The following ERMP1 variants were observed in gnomAD, a reference collection of about 807,000 sequenced individuals.
ERMP1 encodes Felix-ina.
In ERMP1, 86 loss-of-function variants were observed where a neutral mutation model predicts 92.0. That is an observed-to-expected ratio of 0.93 (90% CI 0.79 to 1.12). The LOEUF is 1.12. ERMP1 is among the 50% of genes most tolerant of loss of function. The pLI is 0.00. For synonymous variants in ERMP1, 530 were observed against 412.8 expected (o/e 1.28, Z -3.44); for missense variants, 1,342 against 1,116.3 (o/e 1.20, Z -2.88).
chr9:5,789,543 CAGCAAAAGAACTTTTT>C (rs1404251597), intron 13 of ERMP1, among the ~76,000 whole-genome samples: 5 of 152,212 alleles, frequency 3.3e-5, no homozygotes, highest in African/African-American at 1.2e-4. Flanking sequence ...GTACAAACTT[CAGCAAAAGAACTTTTT>C]CCTGAGACAG....
At chr9:5,859,213 G>A (rs1229982601) in intron 6 of ERMP1, among the ~76,000 whole-genome samples, 2 of 152,022 alleles carry the variant, frequency 1.3e-5, no homozygotes, top group African/African-American at 4.8e-5. Flanking sequence ...TCTGAAACGG[G>A]ATCTTCTCTG....
At chr9:5,814,913 G>A (rs1015507251) in intron 4 of ERMP1, among the ~76,000 whole-genome samples, 5 of 152,020 alleles carry the variant, frequency 3.3e-5, no homozygotes, top group African/African-American at 1.2e-4. Context: ...ATTTAAAAGA[G>A]TCCTACAAAT....
chr9:5,844,653 G>C (rs1830213198), intron 6 of ERMP1, among the ~76,000 whole-genome samples: 1 of 152,204 alleles, frequency 6.6e-6, no homozygotes, highest in African/African-American at 2.4e-5. Context: ...AACTGTCAAG[G>C]AGCCGCTTGG....
intron 10 of ERMP1, among the ~76,000 whole-genome samples, chr9:5,804,378 T>C (rs1160174558): frequency 6.6e-6 from 1 of 152,058 alleles, no homozygotes; most frequent in East Asian, 1.9e-4. Flanking sequence ...TTTTCTTCCC[T>C]CTGGGAATCC....
At chr9:5,846,947 G>C (rs4742125) in intron 6 of ERMP1, among the ~76,000 whole-genome samples, 5,014 of 152,228 alleles carry the variant, frequency 0.033, 298 homozygotes, top group African/African-American at 0.11. Context: ...ATTTATGGCA[G>C]ACAGAGACCA....
intron 2 of ERMP1, 123 bp from the exon 3 acceptor site, chr9:5,825,342 T>C (rs1016703945): frequency 1.1e-5 from 10 of 910,130 alleles, no homozygotes; most frequent in East Asian, 5.5e-5. Context: ...ACCAGAAGCA[T>C]AGCTCTGTCA....
At chr9:5,860,641 G>T (rs1216909839) in intron 5 of ERMP1, among the ~76,000 whole-genome samples, 2 of 150,506 alleles carry the variant, frequency 1.3e-5, no homozygotes, top group African/African-American at 2.4e-5. Flanking sequence ...AGATCGGGGG[G>T]TCTCACTCTG....
intron 4 of ERMP1, among the ~76,000 whole-genome samples, chr9:5,818,981 A>G (rs886300654): frequency 6.6e-6 from 1 of 152,216 alleles, no homozygotes; most frequent in African/African-American, 2.4e-5. Flanking sequence ...ATGTATTTGC[A>G]TTTATTCTCA....
chr9:5,795,411 G>A (rs775223499), intron 13 of ERMP1, among the ~76,000 whole-genome samples: 11 of 152,150 alleles, frequency 7.2e-5, no homozygotes, highest in Non-Finnish European at 1.5e-4. Context: ...TCAAGAAGTG[G>A]AAATAAAAAT....
chr9:5,846,607 T>C (rs1220561149), intron 6 of ERMP1, among the ~76,000 whole-genome samples: 1 of 152,208 alleles, frequency 6.6e-6, no homozygotes, highest in Non-Finnish European at 1.5e-5. Context: ...CACATCTAAC[T>C]ACATTTCCCA....
intron 5 of ERMP1, among the ~76,000 whole-genome samples, chr9:5,861,088 A>G (rs1830472397): frequency 1.3e-5 from 2 of 152,050 alleles, no homozygotes; most frequent in Non-Finnish European, 2.9e-5. Flanking sequence ...ATGGACTGAG[A>G]CAGGGATCTA....
At chr9:5,864,808 C>T (rs1391898106) in intron 5 of ERMP1, among the ~76,000 whole-genome samples, 1 of 152,144 alleles carries the variant, frequency 6.6e-6, no homozygotes, top group Non-Finnish European at 1.5e-5. Flanking sequence ...TTGCAGAGTT[C>T]TTTGCAACTA....
rs1828839814 is a variant in ERMP1 at position 5,805,621 on chromosome 9, G to C, written c.1713C>G (p.Phe571Leu). The C allele has an allele frequency of 6.3e-7, 1 of 1,583,210 alleles. No homozygotes were observed. The highest frequency in any genetic ancestry group is 8.5e-7 in the Non-Finnish European group (1 of 1,170,324). ...TCAAAAATACCCTACCATGCTGCTTGAAGTCCTTATGCACACAGAGCTTTG... is the reference window on the plus strand; with the variant it reads ...TCAAAAATACCCTACCATGCTGCTTCAAGTCCTTATGCACACAGAGCTTTG... Reference protein sequence around the residue: ...LLTKLCVHKDFKQHGAQGKFI... With the variant: ...LLTKLCVHKDLKQHGAQGKFI... The change falls in exon 9 of 15, where the codon TTC (phenylalanine) becomes TTG (leucine). Residue 571 changes from phenylalanine to leucine, a missense_variant. Coordinates refer to ENST00000339450, the MANE Select transcript of ERMP1 (RefSeq NM_024896.3).
intron 8 of ERMP1, among the ~76,000 whole-genome samples, chr9:5,807,268 C>T (rs1828903670): frequency 6.6e-6 from 1 of 152,146 alleles, no homozygotes. Flanking sequence ...TTAATAGTGG[C>T]CCCATTGATT....
chr9:5,800,213 A>G (rs904785891), intron 11 of ERMP1, among the ~76,000 whole-genome samples: 2 of 152,232 alleles, frequency 1.3e-5, no homozygotes, highest in Non-Finnish European at 2.9e-5. Context: ...AACATGAGAA[A>G]GGGATGGGTA....
intron 4 of ERMP1, among the ~76,000 whole-genome samples, chr9:5,819,221 G>A (rs553848906): frequency 1.2e-4 from 19 of 152,188 alleles, no homozygotes; most frequent in African/African-American, 4.6e-4. Context: ...CATACAATGG[G>A]TTAGTCAGCC....
At chr9:5,815,127 C>T (rs1328525805) in intron 4 of ERMP1, among the ~76,000 whole-genome samples, 1 of 152,010 alleles carries the variant, frequency 6.6e-6, no homozygotes, top group Non-Finnish European at 1.5e-5. Flanking sequence ...ACTTAATGGC[C>T]AAGAATCTTC....
In ERMP1 at chr9:5,805,200, T is replaced by A. The variant is rs1272783946; in HGVS notation, c.1741A>T (p.Ile581Phe). The change falls in exon 10 of 15, where the codon ATT (isoleucine) becomes TTT (phenylalanine). Residue 581 changes from isoleucine (I) to phenylalanine (F), a missense_variant. By Grantham distance (21) the Ile-to-Phe change is conservative. Transcript: ENST00000339450. The stretch of plus-strand genomic sequence containing the variant: ...AACATCCCCAAAAGGTAAAAAGCAA[T>A]AAATTTTCCTTGGGCACCTAGGGAA... ...FKQHGAQGKF[I>F]AFYLLGMFIP... 6.2e-7 allele frequency: 1 copy of A among 1,605,614 alleles called. No homozygotes were observed. The highest frequency in any genetic ancestry group is 1.7e-5 in the Admixed American group (1 of 57,536).
intron 6 of ERMP1, among the ~76,000 whole-genome samples, chr9:5,840,844 C>T (rs891088480): frequency 6.6e-6 from 1 of 152,204 alleles, no homozygotes; most frequent in African/African-American, 2.4e-5. Context: ...ATTTGCATGG[C>T]ATTACAGAGG....
Sources: gnomAD v4.1 joint callset for allele counts (sites outside exome capture counted in the v4.1 genomes callset) on GRCh38, gnomAD v4.1.1 for gene constraint, MANE v1.5 for transcripts, NCBI Gene and HGNC (gene_info 2026-07-23, HGNC 2026-07-21) for gene names.